Variants in RIF1 observed in about 807,000 individuals in gnomAD.
RIF1 encodes telomere-associated protein RIF1.
RIF1 carries 45 observed loss-of-function variants against 247.1 expected under a neutral mutation model. The ratio of observed to expected loss-of-function variants is 0.18; its 90% CI spans 0.14 to 0.23. The LOEUF (loss-of-function observed/expected upper bound fraction) is 0.23. Among genes scored for constraint, RIF1 ranks in the 10% least tolerant of loss-of-function variants. The probability of loss-of-function intolerance (pLI) is 1.00; values close to 1 mark genes in which losing one functional copy is unlikely to be tolerated. For synonymous variants in RIF1, 1,087 were observed against 978.8 expected (o/e 1.11, Z -2.06); for missense variants, 2,967 against 2,862.5 (o/e 1.04, Z -0.83).
chr2:151,436,504 GCACTGCAGCCTGGGCAGTACAATGAGACT>G (rs1691231227), intron 11 of RIF1, among the ~76,000 whole-genome samples: 1 of 147,620 alleles, frequency 6.8e-6, no homozygotes, highest in African/African-American at 2.5e-5. Flanking sequence ...TTGTACCACT[GCACTGCAGCCTGGGCAGTACAATGAGACT>G]CTGTCTCAAA....
At chr2:151,487,841 T>C (rs1036485783) in intron 9 of RIF1, among the ~76,000 whole-genome samples, 1 of 152,138 alleles carries the variant, frequency 6.6e-6, no homozygotes, top group Non-Finnish European at 1.5e-5. Flanking sequence ...GGTCTTAAAC[T>C]CCTGGACTCA....
chr2:151,475,199 T>C lies in RIF1; in HGVS notation c.*128T>C, dbSNP rs2048869044. The C allele has an allele frequency of 1.5e-6, 1 of 670,044 alleles. No homozygotes were observed. The highest frequency in any genetic ancestry group is 1.8e-5 in the African/African-American group (1 of 55,148). The allele number at this position is 670,044 out of a possible 1,614,324, so 41.5% of individuals were successfully genotyped here. ...GCAAAGTTGATAACATTTCAAACCC[T>C]GAAGGACAGTGACTTATTATGTAAG... On this transcript the variant is annotated 3_prime_UTR_variant, in exon 36 of 36. Coordinates refer to ENST00000444746, the MANE Select transcript of RIF1 (RefSeq NM_018151.5).
intron 9 of RIF1, 112 bp downstream of exon 9, chr2:151,429,034 AATT>A (rs1689590885): frequency 3.1e-6 from 2 of 650,262 alleles, no homozygotes; most frequent in East Asian, 5.6e-5. Context: ...GTAACTACTG[AATT>A]ATTTTCATTT....
chr2:151,481,436 C>A lies in RIF1; in HGVS notation c.*6365C>A. ...CATGATGTTAAGGGACCTTGATGGT[C>A]TGTGAATTATCAGTTGCTTTCTGCA... On this transcript the variant is annotated 3_prime_UTR_variant, in exon 36 of 36. Transcript: ENST00000444746. 6.6e-6 allele frequency: 1 copy of A among 152,208 alleles called. No individual in the cohort carries two copies. The allele number at this position is 152,208 out of a possible 1,614,324, so 9.4% of individuals were successfully genotyped here.
At chr2:151,423,209 C>G (rs1688465711) in intron 8 of RIF1, 167 bp downstream of exon 8, 4 of 555,312 alleles carry the variant, frequency 7.2e-6, no homozygotes, top group South Asian at 2.3e-5. Context: ...CCAGTACTTG[C>G]ATTGCTTTTG....
At chr2:151,495,210 C>T (rs1467978043) in intron 9 of RIF1, 1 of 152,150 alleles carries the variant, frequency 6.6e-6, no homozygotes, top group African/African-American at 2.4e-5. Flanking sequence ...AAATCCTCAA[C>T]CTCGGTATCT....
chr2:151,437,155 TAATA>T (rs1691381187), intron 12 of RIF1, 82 bp from the exon 13 acceptor site: 2 of 1,243,220 alleles, frequency 1.6e-6, no homozygotes, highest in Non-Finnish European at 2.3e-6. Context: ...CACACCTACT[TAATA>T]GACATTTTAA....
At chr2:151,494,367 C>T in intron 9 of RIF1, 1 of 717,222 alleles carries the variant, frequency 1.4e-6, no homozygotes, top group East Asian at 2.7e-5. Flanking sequence ...ACCATTTGGG[C>T]AATTAGGTTA....
chr2:151,428,854 C>A lies in RIF1; in HGVS notation c.857C>A (p.Ala286Glu). The A allele has an allele frequency of 6.4e-7, 1 of 1,553,748 alleles. No homozygotes were observed. Among genetic ancestry groups the A allele is most frequent in the Non-Finnish European group, 8.9e-7 (1 of 1,125,332 alleles). The change falls in exon 9 of 36, where the codon GCA (alanine) becomes GAA (glutamate). Residue 286 changes from alanine to glutamate, a missense_variant. Around this residue, in one of 7 missense-constraint regions of RIF1, gnomAD observed 71 missense variants for 132.9 expected, o/e 0.53. Coordinates refer to ENST00000444746, the MANE Select transcript of RIF1 (RefSeq NM_018151.5). ...QLEELGFRSG[A>E]PMIKKIAFIA... ...GAAGAACTTGGATTTCGTAGTGGAG[C>A]ACCCATGATTAAAAAGATAGCTTTT...
chr2:151,514,435 C>CATG, the RIF1 span: 1 of 1,582,102 alleles, frequency 6.3e-7, no homozygotes, highest in Non-Finnish European at 8.7e-7. Flanking sequence ...CTTTCTATAT[C>CATG]ATGAAAGAAA....
At chr2:151,418,968 C>CTTTTTTTTTT (rs36020810) in intron 6 of RIF1, among the ~76,000 whole-genome samples, 2 of 111,770 alleles carry the variant, frequency 1.8e-5, no homozygotes, top group Admixed American at 9.6e-5. Flanking sequence ...GCCTTAAATT[C>CTTTTTTTTTT]TTTTTTTTTT....
intron 9 of RIF1, chr2:151,491,814 AGTTT>A: frequency 6.8e-7 from 1 of 1,479,256 alleles, no homozygotes; most frequent in Middle Eastern, 1.7e-4. Flanking sequence ...GTGTTCTTGG[AGTTT>A]TCCAATAACT....
chr2:151,507,112 T>TA lies in RIF1; in HGVS notation c.*1028-609dup, dbSNP rs540894908. ...GAAGAAAATTAAAATCCTGTATCTT[T>TA]AAAAAAAAGTCTATGCACAATAATT... On this transcript the variant is annotated intron_variant and NMD_transcript_variant, in intron 13 of 13. Coordinates refer to the RIF1 transcript ENST00000454583. 528 of 741,636 alleles carry TA rather than the reference T, an allele frequency of 7.1e-4. 3 individuals are homozygous for TA. The African/African-American group carries it at 8.0e-3, about 11-fold the overall frequency. The allele number at this position is 741,636 out of a possible 1,614,324, so 45.9% of individuals were successfully genotyped here.
At chr2:151,458,255 TAG>T (rs1491584426) in intron 24 of RIF1, among the ~76,000 whole-genome samples, 1 of 124,308 alleles carries the variant, frequency 8.0e-6, no homozygotes, top group Non-Finnish European at 1.7e-5. Context: ...TTTTTTGAGA[TAG>T]AGTCTCACTC....
At chr2:151,502,762 ATTTT>A in intron 11 of RIF1, 3 of 1,038,480 alleles carry the variant, frequency 2.9e-6, no homozygotes, top group South Asian at 1.4e-5. Context: ...AAATTAAGGG[ATTTT>A]TTTTTTTTTG....
rs536160493 is a variant in RIF1, at chr2:151,462,992, C to T, written c.3472C>T (p.Leu1158Phe). 8 of 1,613,734 alleles carry T rather than the reference C, an allele frequency of 5.0e-6. No individual in the cohort carries two copies. Among genetic ancestry groups the T allele is most frequent in the Middle Eastern group, 1.6e-4 (1 of 6,084 alleles). ...CCTTTCGAATAATGAGTGTGGTTCT[C>T]TTGACAAAACCAGTCCAGAAATGTC... ...SSLSNNECGS[L>F]DKTSPEMSNS... is the part of the protein sequence containing the mutation. Residue 1158 changes from leucine to phenylalanine, a missense_variant, in exon 30 of 36, where the codon CTT (leucine) becomes TTT (phenylalanine). By Grantham distance (22) the Leu-to-Phe change is conservative. Transcript: ENST00000444746.
At chr2:151,447,322 T>C (rs1205709910) in intron 20 of RIF1, among the ~76,000 whole-genome samples, 1 of 152,232 alleles carries the variant, frequency 6.6e-6, no homozygotes, top group Non-Finnish European at 1.5e-5. Context: ...CCTCTTTCTG[T>C]TTACGCATGT....
chr2:151,526,014 G>T, the RIF1 span: 2 of 1,614,004 alleles, frequency 1.2e-6, no homozygotes, highest in South Asian at 2.2e-5. Flanking sequence ...GTCTCTGGTA[G>T]TGTTGTGTAT....
chr2:151,446,979 T>C (rs1466340548), intron 20 of RIF1, among the ~76,000 whole-genome samples: 2 of 148,314 alleles, frequency 1.3e-5, no homozygotes, highest in Non-Finnish European at 3.0e-5. Context: ...AGTCTCGCTC[T>C]GTCGCCCAGG....
Sources: allele counts gnomAD v4.1 joint callset (sites outside exome capture counted in the v4.1 genomes callset), GRCh38; gene constraint gnomAD v4.1.1; regional missense constraint gnomAD v4.1.1; transcripts MANE v1.5; gene names NCBI Gene and HGNC (gene_info 2026-07-23, HGNC 2026-07-21).